DPP6: variants seen among roughly 807,000 people sequenced by gnomAD.
DPP6 encodes the protein A-type potassium channel modulatory protein DPP6.
DPP6 carries 69 observed loss-of-function variants against 122.6 expected under a neutral mutation model. The observed-to-expected ratio is 0.56, with a 90% CI of 0.46 to 0.69. DPP6 has a LOEUF of 0.69. Among genes scored for constraint, DPP6 ranks in the 30% least tolerant of loss-of-function variants. The pLI, the probability that DPP6 is intolerant of heterozygous loss-of-function variation, is 0.00. For synonymous variants in DPP6, 418 were observed against 433.1 expected, an observed-to-expected ratio of 0.97 and a Z score of 0.43; for missense variants, 928 against 1,116.9, an observed-to-expected ratio of 0.83 and a Z score of 2.41.
At chr7:154,387,728 C>T (rs1035368593) in intron 1 of DPP6, among the ~76,000 whole-genome samples, 2 of 152,214 alleles carry the variant, frequency 1.3e-5, no homozygotes, top group African/African-American at 4.8e-5. Context: ...AAAGGGATTA[C>T]TGTAGGCTTT....
chr7:154,596,190 G>A (rs1011491552), intron 5 of DPP6, among the ~76,000 whole-genome samples: 3 of 152,194 alleles, frequency 2.0e-5, no homozygotes, highest in Non-Finnish European at 4.4e-5. Context: ...TCCAGGATTA[G>A]GTATTCATTT....
chr7:153,871,146 G>A, the DPP6 span, among the ~76,000 whole-genome samples: 30 of 152,234 alleles, frequency 2.0e-4, no homozygotes, highest in African/African-American at 4.8e-4. Context: ...CCCAAGCTGC[G>A]TGCTGGGAGA....
At chr7:154,370,896 C>G (rs558225354) in intron 1 of DPP6, among the ~76,000 whole-genome samples, 1 of 152,174 alleles carries the variant, frequency 6.6e-6, no homozygotes, top group Non-Finnish European at 1.5e-5. Flanking sequence ...AGCTAGTTTC[C>G]TAGCCTGACA....
At chr7:154,019,543 C>A (rs1798600403) in intron 1 of DPP6, among the ~76,000 whole-genome samples, 1 of 151,956 alleles carries the variant, frequency 6.6e-6, no homozygotes, top group African/African-American at 2.4e-5. Context: ...ATTTAATGCA[C>A]ACAGTGTAAC....
intron 1 of DPP6, among the ~76,000 whole-genome samples, chr7:154,413,203 A>T (rs571839865): frequency 2.6e-5 from 4 of 152,196 alleles, no homozygotes; most frequent in Non-Finnish European, 5.9e-5. Context: ...GCTATCTTAA[A>T]TTCTTTTCCA....
intron 1 of DPP6, among the ~76,000 whole-genome samples, chr7:153,932,967 G>A (rs2011555): frequency 0.43 from 65,926 of 151,906 alleles, 15,602 homozygotes; most frequent in African/African-American, 0.65. Context: ...AATAAGTCTC[G>A]CAAGATCTGA....
At chr7:154,196,816 A>C (rs1001681314) in intron 1 of DPP6, among the ~76,000 whole-genome samples, 4 of 152,064 alleles carry the variant, frequency 2.6e-5, no homozygotes, top group African/African-American at 9.7e-5. Context: ...TACATCCTCT[A>C]ACAGAAGCTG....
intron 1 of DPP6, chr7:154,059,106 A>C (rs1448409182): frequency 7.1e-6 from 1 of 141,230 alleles, no homozygotes. Context: ...ACCCCATCGC[A>C]GGAGGGTGTG....
At chr7:154,501,684 A>T (rs919108669) in intron 3 of DPP6, among the ~76,000 whole-genome samples, 1 of 152,208 alleles carries the variant, frequency 6.6e-6, no homozygotes, top group African/African-American at 2.4e-5. Context: ...GCCCAGGCAG[A>T]AGTTTGCTGC....
intron 1 of DPP6, among the ~76,000 whole-genome samples, chr7:153,932,150 T>C (rs1801199961): frequency 7.1e-6 from 1 of 141,692 alleles, no homozygotes; most frequent in African/African-American, 2.6e-5. Context: ...TAACAGAATC[T>C]CATTCTGTCA....
chr7:154,233,229 G>A (rs1469661689), intron 1 of DPP6, among the ~76,000 whole-genome samples: 1 of 152,212 alleles, frequency 6.6e-6, no homozygotes, highest in Non-Finnish European at 1.5e-5. Context: ...ACAGTAGGAT[G>A]TCTTTATAAA....
intron 1 of DPP6, among the ~76,000 whole-genome samples, chr7:154,162,214 G>C (rs1178006238): frequency 6.6e-6 from 1 of 151,506 alleles, no homozygotes; most frequent in Non-Finnish European, 1.5e-5. Flanking sequence ...TGACCAGCCT[G>C]TGGCCAGGGC....
chr7:154,082,176 G>A lies in DPP6; in HGVS notation c.243+29113G>A, dbSNP rs577726998. The stretch of plus-strand genomic sequence containing the variant: ...CCCCTAGAGAGTCACATAGCATTTG[G>A]CCCTCGACCATGGCTGAATAAATGA... On this transcript the variant is annotated intron_variant, in intron 1 of 25. Coordinates refer to ENST00000377770, the MANE Select transcript of DPP6 (RefSeq NM_130797.4). 1.1e-3 allele frequency among the ~76,000 whole-genome samples: 172 copies of A among 152,196 alleles called. 2 individuals carry two copies. Among genetic ancestry groups the A allele is most frequent in the African/African-American group, 4.0e-3 (166 of 41,522 alleles).
chr7:154,857,865 T>C lies in DPP6; in HGVS notation c.1714+4038T>C, dbSNP rs565689972. 2.6e-5 allele frequency among the ~76,000 whole-genome samples: 4 copies of C among 152,286 alleles called. No individual in the cohort carries two copies. In the East Asian group the frequency reaches 7.7e-4, roughly 29 times the overall value. On this transcript the variant is annotated intron_variant, in intron 17 of 25. Transcript: ENST00000377770. ...CTTTGGGCCTCAGGTAAGCTTGAGA[T>C]CAGTTGTCCTCTTTCACGATTGAAA...
chr7:153,868,637 G>A, the DPP6 span, among the ~76,000 whole-genome samples: 4 of 152,192 alleles, frequency 2.6e-5, no homozygotes, highest in African/African-American at 9.6e-5. Flanking sequence ...AGGGTTTTGT[G>A]TGTCTCTATT....
chr7:153,885,638 TTTG>T (rs536395172), upstream of DPP6, among the ~76,000 whole-genome samples: 18 of 152,160 alleles, frequency 1.2e-4, no homozygotes, highest in Non-Finnish European at 2.4e-4. Flanking sequence ...TTTACACTAT[TTTG>T]TTATCACAGC....
At chr7:154,277,053 T>C (rs1804186376) in intron 1 of DPP6, among the ~76,000 whole-genome samples, 1 of 152,090 alleles carries the variant, frequency 6.6e-6, no homozygotes, top group Non-Finnish European at 1.5e-5. Context: ...AATGTGGAAC[T>C]AAATAGACCA....
At chr7:154,066,135 C>T (rs1192513991) in intron 1 of DPP6, among the ~76,000 whole-genome samples, 3 of 150,500 alleles carry the variant, frequency 2.0e-5, no homozygotes, top group Admixed American at 1.3e-4. Flanking sequence ...ACTCAGCTCA[C>T]TGTAACCTCT....
chr7:153,900,391 G>A (rs1056830996), intron 1 of DPP6, among the ~76,000 whole-genome samples: 4 of 152,190 alleles, frequency 2.6e-5, no homozygotes, highest in Non-Finnish European at 5.9e-5. Flanking sequence ...AGGAAAAGAG[G>A]TTTATTTTGC....
Sources: allele counts gnomAD v4.1 joint callset (sites outside exome capture counted in the v4.1 genomes callset), GRCh38; gene constraint gnomAD v4.1.1; transcripts MANE v1.5; gene names NCBI Gene and HGNC (gene_info 2026-07-23, HGNC 2026-07-21).